SLC8A3: variants seen among roughly 807,000 people sequenced by gnomAD.
SLC8A3 encodes the protein solute carrier family 8 member A3, also known as sodium/calcium exchanger 3.
Under a neutral mutation model 65.4 loss-of-function variants are expected in SLC8A3, and 37 were observed. The ratio of observed to expected loss-of-function variants is 0.57; its 90% CI spans 0.44 to 0.74. SLC8A3 has a LOEUF of 0.74. Ranked by LOEUF, SLC8A3 falls within the 30% of genes least tolerant of loss-of-function variation. The pLI, the probability that SLC8A3 is intolerant of heterozygous loss-of-function variation, is 0.00. For missense variants in SLC8A3, 1,112 were observed against 1,172.1 expected (o/e 0.95, Z 0.75); for synonymous variants, 461 against 444.5 (o/e 1.04, Z -0.47).
At chr14:70,087,349 T>C (rs768141297) in intron 2 of SLC8A3, among the ~76,000 whole-genome samples, 9 of 152,216 alleles carry the variant, frequency 5.9e-5, no homozygotes, top group Non-Finnish European at 1.3e-4. Flanking sequence ...GCAACTTCCA[T>C]TTATCTTCTC....
chr14:70,115,562 A>C (rs1445159455), intron 2 of SLC8A3, among the ~76,000 whole-genome samples: 1 of 152,208 alleles, frequency 6.6e-6, no homozygotes, highest in East Asian at 1.9e-4. Flanking sequence ...GGCCTGACAC[A>C]TATCAGGTGC....
chr14:70,096,810 T>C (rs962158443), intron 2 of SLC8A3, among the ~76,000 whole-genome samples: 2 of 152,190 alleles, frequency 1.3e-5, no homozygotes, highest in African/African-American at 4.8e-5. Flanking sequence ...GGTTTCATCT[T>C]TTCCACTTTG....
chr14:70,130,359 G>A (rs1894742823), intron 2 of SLC8A3, among the ~76,000 whole-genome samples: 1 of 152,210 alleles, frequency 6.6e-6, no homozygotes, highest in Non-Finnish European at 1.5e-5. Flanking sequence ...ATGGCTGGGG[G>A]GCAGATGCTG....
Position 70,049,073 on chromosome 14 carries a change from G to T in SLC8A3, c.2114-31C>A, listed in dbSNP as rs761210720. 5 of 1,574,090 alleles carry T rather than the reference G, an allele frequency of 3.2e-6. No individual in the cohort carries two copies. The Admixed American group carries it at 8.8e-5, about 28-fold the overall frequency. On this transcript the variant is annotated intron_variant, in intron 5 of 6. Coordinates refer to ENST00000356921, the MANE Select transcript of SLC8A3 (RefSeq NM_182932.3). Reference sequence around the variant, plus strand: ...GGCAAGATAAACAGGCAAGAGAACGGGTAACGAAGTCAGATAATCATTCAT... The same window carrying T: ...GGCAAGATAAACAGGCAAGAGAACGTGTAACGAAGTCAGATAATCATTCAT...
chr14:70,162,127 G>A (rs1484306320), intron 2 of SLC8A3, among the ~76,000 whole-genome samples: 1 of 152,176 alleles, frequency 6.6e-6, no homozygotes, highest in African/African-American at 2.4e-5. Context: ...TAAGACATTA[G>A]TCACATAATA....
In SLC8A3 at chr14:70,076,658, C is replaced by T. The variant is rs535031492; in HGVS notation, c.1785-15719G>A. 2.0e-5 allele frequency among the ~76,000 whole-genome samples: 3 copies of T among 152,288 alleles called. No homozygotes were observed. The South Asian group carries it at 6.2e-4, about 32-fold the overall frequency. On this transcript the variant is annotated intron_variant, in intron 2 of 6. Transcript: ENST00000356921. ...TTGGGCTACTCTTAGGAAAAGTTCA[C>T]CTTGATAGCTCCTGTTTCCCTTCCC...
At chr14:70,131,435 C>T (rs963678766) in intron 2 of SLC8A3, among the ~76,000 whole-genome samples, 1 of 152,182 alleles carries the variant, frequency 6.6e-6, no homozygotes, top group East Asian at 1.9e-4. Context: ...AACTTCCAAG[C>T]CTGTTTCTTC....
chr14:70,143,791 C>T (rs1895724655), intron 2 of SLC8A3, among the ~76,000 whole-genome samples: 1 of 152,200 alleles, frequency 6.6e-6, no homozygotes, highest in Non-Finnish European at 1.5e-5. Flanking sequence ...CCATACCCCT[C>T]TCTTCCCCCC....
intron 2 of SLC8A3, among the ~76,000 whole-genome samples, chr14:70,092,097 A>C (rs544156347): frequency 6.6e-6 from 1 of 152,290 alleles, no homozygotes; most frequent in South Asian, 2.1e-4. Context: ...ATGATTTTCA[A>C]AGGACTTTGA....
chr14:70,121,125 G>A (rs954959073), intron 2 of SLC8A3, among the ~76,000 whole-genome samples: 4 of 152,062 alleles, frequency 2.6e-5, no homozygotes, highest in Middle Eastern at 3.4e-3. Context: ...AAAAAATACT[G>A]CATTTTAGAC....
chr14:70,116,954 C>T (rs1893709876), intron 2 of SLC8A3, among the ~76,000 whole-genome samples: 1 of 152,196 alleles, frequency 6.6e-6, no homozygotes, highest in Admixed American at 6.5e-5. Flanking sequence ...CATGAATAAG[C>T]CAATCTGGTT....
chr14:70,065,504 A>G (rs1889323926), intron 2 of SLC8A3, among the ~76,000 whole-genome samples: 1 of 152,150 alleles, frequency 6.6e-6, no homozygotes, highest in Non-Finnish European at 1.5e-5. Flanking sequence ...GGTAATGGAG[A>G]CAGATGAGCT....
Position 70,167,998 on chromosome 14 carries a change from C to A in SLC8A3, c.425G>T (p.Gly142Val), listed in dbSNP as rs768757308. The A allele has an allele frequency of 1.2e-6, 2 of 1,614,132 alleles. No homozygotes were observed. The highest frequency in any genetic ancestry group is 1.7e-5 in the Admixed American group (1 of 60,024). ...TVSNLTLMAL[G>V]SSAPEILLSL... ...GAGGAGTATCTCAGGAGCAGAGGAA[C>A]CCAGGGCCATAAGGGTCAGGTTGGA... Residue 142 changes from glycine (G) to valine (V), a missense_variant, in exon 2 of 7, where the codon GGT (glycine) becomes GTT (valine). Physicochemically the swap from Gly to Val is moderately radical, Grantham distance 109. Coordinates refer to ENST00000356921, the MANE Select transcript of SLC8A3 (RefSeq NM_182932.3).
chr14:70,123,059 C>A (rs1445477189), intron 2 of SLC8A3, among the ~76,000 whole-genome samples: 3 of 113,666 alleles, frequency 2.6e-5, no homozygotes, highest in Non-Finnish European at 5.1e-5. Context: ...GGCGACACAG[C>A]AAGACTCCAT....
intron 2 of SLC8A3, among the ~76,000 whole-genome samples, chr14:70,066,205 G>A (rs1236314905): frequency 6.6e-6 from 1 of 152,188 alleles, no homozygotes; most frequent in Non-Finnish European, 1.5e-5. Context: ...TCACTGTTGG[G>A]ACTTATGGTA....
chr14:70,105,488 CA>C (rs1892811503), intron 2 of SLC8A3, among the ~76,000 whole-genome samples: 1 of 152,070 alleles, frequency 6.6e-6, no homozygotes, highest in Non-Finnish European at 1.5e-5. Context: ...GTAAGTTTAA[CA>C]ACTCAGATGA....
chr14:70,070,554 T>A (rs67611989), intron 2 of SLC8A3, among the ~76,000 whole-genome samples: 1 of 152,060 alleles, frequency 6.6e-6, no homozygotes, highest in African/African-American at 2.4e-5. Flanking sequence ...CTGGAGGAAA[T>A]GCTACTTACT....
intron 6 of SLC8A3, chr14:70,047,671 C>T (rs989429433): frequency 6.6e-6 from 1 of 152,240 alleles, no homozygotes; most frequent in Non-Finnish European, 1.5e-5. Flanking sequence ...GGAAAGATTT[C>T]CCTTGGCCCA....
At chr14:70,122,542 G>T (rs539905762) in intron 2 of SLC8A3, among the ~76,000 whole-genome samples, 3 of 152,122 alleles carry the variant, frequency 2.0e-5, no homozygotes, top group Non-Finnish European at 2.9e-5. Flanking sequence ...TCCTCTGTAC[G>T]ATGGGTAGTA....
Sources: allele counts gnomAD v4.1 joint callset (sites outside exome capture counted in the v4.1 genomes callset), GRCh38; gene constraint gnomAD v4.1.1; transcripts MANE v1.5; gene names NCBI Gene and HGNC (gene_info 2026-07-23, HGNC 2026-07-21).